LITAF: variants seen among roughly 807,000 people sequenced by gnomAD.
LITAF encodes the protein lipopolysaccharide induced TNF factor.
A neutral mutation model predicts 14.5 loss-of-function variants in LITAF; 9 were observed. The ratio of observed to expected loss-of-function variants is 0.62; its 90% CI spans 0.37 to 1.08. LITAF has a LOEUF of 1.08. LITAF is among the 50% of genes least tolerant of loss of function. The probability of loss-of-function intolerance (pLI) is 0.01; values close to 1 mark genes in which losing one functional copy is unlikely to be tolerated. For synonymous variants in LITAF, 98 were observed against 88.2 expected (o/e 1.11, Z -0.62); for missense variants, 206 against 213.4 (o/e 0.97, Z 0.22).
intron 3 of LITAF, among the ~76,000 whole-genome samples, chr16:11,623,183 G>A (rs1007036643): frequency 1.3e-5 from 2 of 151,172 alleles, no homozygotes; most frequent in African/African-American, 4.9e-5. Flanking sequence ...GGATGGTCTC[G>A]ATCTCCTGAC....
upstream of LITAF, among the ~76,000 whole-genome samples, chr16:11,637,862 C>T (rs1448180018): frequency 7.8e-6 from 1 of 128,118 alleles, no homozygotes; most frequent in African/African-American, 3.1e-5. Flanking sequence ...GTCTGGGTGA[C>T]AGAGTGAGAA....
At chr16:11,591,932 C>G (rs2064849307), upstream of LITAF, among the ~76,000 whole-genome samples, 2 of 152,164 alleles carry the variant, frequency 1.3e-5, no homozygotes, top group Non-Finnish European at 2.9e-5. Context: ...TGGATATCCA[C>G]ATGTAGAAGA....
intron 1 of LITAF, among the ~76,000 whole-genome samples, chr16:11,562,585 T>C (rs1437525424): frequency 6.6e-6 from 1 of 152,150 alleles, no homozygotes; most frequent in Non-Finnish European, 1.5e-5. Flanking sequence ...ATTCTACCTC[T>C]CAACAATTTG....
intron 3 of LITAF, among the ~76,000 whole-genome samples, chr16:11,615,049 G>C (rs79218497): frequency 3.5e-3 from 535 of 152,298 alleles, no homozygotes; most frequent in South Asian, 0.014. Flanking sequence ...TGGATGACCA[G>C]TCGGTACACA....
At chr16:11,587,382 G>A (rs1032609567), upstream of LITAF, 1 of 453,890 alleles carries the variant, frequency 2.2e-6, no homozygotes, top group East Asian at 7.0e-5. Flanking sequence ...CCTCTGGAGG[G>A]CGGCCCTTCT....
At chr16:11,606,300 C>A (rs1389263552) in intron 3 of LITAF, among the ~76,000 whole-genome samples, 1 of 151,942 alleles carries the variant, frequency 6.6e-6, no homozygotes, top group Non-Finnish European at 1.5e-5. Flanking sequence ...TCCCGAGTAG[C>A]TGGGACTACA....
At chr16:11,590,699 A>T, upstream of LITAF, among the ~76,000 whole-genome samples, 2 of 117,706 alleles carry the variant, frequency 1.7e-5, 1 homozygote, top group Middle Eastern at 7.9e-3. Flanking sequence ...TCCCAAACTG[A>T]TGTACGGGTC....
intron 2 of LITAF, among the ~76,000 whole-genome samples, chr16:11,555,196 C>T (rs918618555): frequency 6.6e-6 from 1 of 152,056 alleles, no homozygotes; most frequent in Admixed American, 6.6e-5. Flanking sequence ...TCACACTCAG[C>T]TAATTTTATT....
rs961372660 is a variant in LITAF, at chr16:11,548,224, A to C, written c.*1413T>G. On this transcript the variant is annotated 3_prime_UTR_variant, in exon 4 of 4. Transcript: ENST00000622633. The stretch of plus-strand genomic sequence containing the variant: ...TCACATGAGTTCCCTATTCTGAAGT[A>C]TTATCAAAACGAGGACCCTTGAAGG... 36 of 454,120 alleles carry C rather than the reference A, an allele frequency of 7.9e-5. No individual in the cohort carries two copies. The highest frequency in any genetic ancestry group is 6.4e-4 in the African/African-American group (32 of 50,126). The allele number at this position is 454,120 out of a possible 1,614,324, so 28.1% of individuals were successfully genotyped here.
chr16:11,564,741 C>G (rs1027827109), intron 1 of LITAF, among the ~76,000 whole-genome samples: 1 of 152,104 alleles, frequency 6.6e-6, no homozygotes, highest in Non-Finnish European at 1.5e-5. Context: ...GCAGTTTTAT[C>G]ACTGATCATT....
rs532173355 is a variant in LITAF at position 11,595,089 on chromosome 16, C to T, written c.-6+3299G>A. Among the ~76,000 whole-genome samples the T allele has an allele frequency of 5.9e-5, 9 of 152,286 alleles. 1 individual carries two copies. The South Asian group carries it at 1.9e-3, about 32-fold the overall frequency. ...CCCAGTTGCCAGTAAACAGCCCCCA[C>T]TGACTGGTCTGTGTTACCCATTAAC... On this transcript the variant is annotated intron_variant, in intron 1 of 3. Coordinates refer to the LITAF transcript ENST00000571627.
Position 11,553,935 on chromosome 16 carries a change from C to A in LITAF, c.221-246G>T, listed in dbSNP as rs925350408. 6.6e-6 allele frequency among the ~76,000 whole-genome samples: 1 copy of A among 152,116 alleles called. No homozygotes were observed. The highest frequency in any genetic ancestry group is 6.6e-5 in the Admixed American group (1 of 15,260). ...CATCCACCAGAATATGATTCAGCCTCAAAAAGAAAGGAGGACCGGGCGCGG... is the reference window on the plus strand; with the variant it reads ...CATCCACCAGAATATGATTCAGCCTAAAAAAGAAAGGAGGACCGGGCGCGG... On this transcript the variant is annotated intron_variant, in intron 2 of 3. Transcript: ENST00000622633. The surrounding 1 kb of genome is among the most constrained non-coding windows in gnomAD (Gnocchi z 7.7).
intron 1 of LITAF, among the ~76,000 whole-genome samples, chr16:11,574,400 A>G (rs775191249): frequency 6.6e-6 from 1 of 152,158 alleles, no homozygotes; most frequent in South Asian, 2.1e-4. Flanking sequence ...AAGAAACTTA[A>G]CGGTCGGTGT....
chr16:11,638,427 G>T (rs1308463336), upstream of LITAF, among the ~76,000 whole-genome samples: 2 of 152,060 alleles, frequency 1.3e-5, no homozygotes, highest in Non-Finnish European at 2.9e-5. Context: ...TTGGAGCTGG[G>T]TATGGTGGCT....
rs1351049283 is a variant in LITAF, at chr16:11,553,668, A to G, written c.242T>C (p.Val81Ala). The G allele has an allele frequency of 6.2e-7, 1 of 1,614,182 alleles. No homozygotes were observed. ...NNPITVQTVY[V>A]QHPITFLDRP... ...GTCCAAAAAGGTGATGGGGTGCTGC[A>G]CGTAGACCGTCTGCACGGTAACTGA... Residue 81 changes from valine to alanine, a missense_variant, in exon 3 of 4, where the codon GTG becomes GCG. Transcript: ENST00000622633. The surrounding 1 kb of genome is among the most constrained non-coding windows in gnomAD (Gnocchi z 7.7).
At chr16:11,603,109 T>C (rs1440817898), upstream of LITAF, among the ~76,000 whole-genome samples, 2 of 151,880 alleles carry the variant, frequency 1.3e-5, no homozygotes, top group Non-Finnish European at 2.9e-5. Flanking sequence ...GAAAATAAAA[T>C]AGAACACATT....
At chr16:11,584,001 A>C (rs12444633) in intron 1 of LITAF, among the ~76,000 whole-genome samples, 23,314 of 152,178 alleles carry the variant, frequency 0.15, 1,941 homozygotes, top group South Asian at 0.23. Flanking sequence ...CAGAGTGTCA[A>C]TCAATACAGG....
At chr16:11,601,724 TA>T (rs1306009452), upstream of LITAF, among the ~76,000 whole-genome samples, 1 of 152,076 alleles carries the variant, frequency 6.6e-6, no homozygotes, top group Non-Finnish European at 1.5e-5. Flanking sequence ...GGCACCCGGC[TA>T]ATTTTTGCAT....
upstream of LITAF, among the ~76,000 whole-genome samples, chr16:11,601,435 C>G (rs924459321): frequency 1.3e-5 from 2 of 152,292 alleles, no homozygotes; most frequent in East Asian, 3.9e-4. Context: ...CTCTTGGCCA[C>G]ACAGAACCAG....
Sources: allele counts gnomAD v4.1 joint callset (sites outside exome capture counted in the v4.1 genomes callset), GRCh38; gene constraint gnomAD v4.1.1; non-coding constraint Gnocchi (gnomAD v3.1); transcripts MANE v1.5; gene names NCBI Gene and HGNC (gene_info 2026-07-23, HGNC 2026-07-21).